The following CDC25C variants were observed in gnomAD, a reference collection of about 807,000 sequenced individuals.
CDC25C encodes the protein M-phase inducer phosphatase 3.
CDC25C carries 48 observed loss-of-function variants against 52.5 expected under a neutral mutation model. The observed-to-expected ratio is 0.91, with a 90% CI of 0.72 to 1.16. CDC25C has a LOEUF of 1.16. CDC25C is among the 50% of genes most tolerant of loss of function. The pLI, the probability that CDC25C is intolerant of heterozygous loss-of-function variation, is 0.00. For synonymous variants in CDC25C, 187 were observed against 206.5 expected (o/e 0.91, Z 0.81); for missense variants, 510 against 566.1 (o/e 0.90, Z 1.01).
chr5:138,330,887 C>G (rs12332354), intron 2 of CDC25C, 100 bp downstream of exon 2: 6 of 814,848 alleles, frequency 7.4e-6, no homozygotes, highest in Non-Finnish European at 1.0e-5. Flanking sequence ...GACTTAAAGC[C>G]TGACCTTTGA....
rs563978921 is a variant in CDC25C, at chr5:138,296,057, C to T, written c.616-3941G>A. 3.9e-5 allele frequency among the ~76,000 whole-genome samples: 6 copies of T among 152,288 alleles called. No homozygotes were observed. In the East Asian group the frequency reaches 1.2e-3, roughly 29 times the overall value. ...GAGTACACATAAGCCAGCCCGGCTT[C>T]TGTCTGCACCACTCTTCTGCTCTTG... On this transcript the variant is annotated intron_variant, in intron 7 of 13. Coordinates refer to ENST00000323760, the MANE Select transcript of CDC25C (RefSeq NM_001790.5).
At chr5:138,313,173 C>A (rs1758581175) in intron 7 of CDC25C, among the ~76,000 whole-genome samples, 1 of 151,742 alleles carries the variant, frequency 6.6e-6, no homozygotes, top group Non-Finnish European at 1.5e-5. Context: ...GTCAGATATT[C>A]AAGACCAGCC....
chr5:138,298,397 G>C (rs1757373855), intron 7 of CDC25C, among the ~76,000 whole-genome samples: 1 of 152,058 alleles, frequency 6.6e-6, no homozygotes, highest in African/African-American at 2.4e-5. Flanking sequence ...AACAACCGTA[G>C]AATACACATT....
At chr5:138,319,631 A>G (rs1759189222) in intron 6 of CDC25C, among the ~76,000 whole-genome samples, 1 of 152,234 alleles carries the variant, frequency 6.6e-6, no homozygotes, top group South Asian at 2.1e-4. Context: ...GGGAGAAAAC[A>G]TTTGCAAGTC....
At chr5:138,321,784 C>T (rs1164362060) in intron 6 of CDC25C, among the ~76,000 whole-genome samples, 2 of 116,148 alleles carry the variant, frequency 1.7e-5, no homozygotes, top group East Asian at 2.7e-4. Flanking sequence ...AAAAAAAAAC[C>T]ATGATCAACT....
chr5:138,321,681 G>A (rs1759400539), intron 6 of CDC25C, among the ~76,000 whole-genome samples: 1 of 139,588 alleles, frequency 7.2e-6, no homozygotes, highest in Admixed American at 7.8e-5. Context: ...GAACCCAGGA[G>A]GCAGAGGTTG....
chr5:138,292,205 A>C, intron 7 of CDC25C, 89 bp from the exon 8 acceptor site: 2 of 1,068,492 alleles, frequency 1.9e-6, no homozygotes, highest in South Asian at 1.7e-5. Context: ...AGCTTCTTTG[A>C]AATGCAGGTT....
chr5:138,334,369 T>TA (rs1760583860), upstream of CDC25C, among the ~76,000 whole-genome samples: 1 of 146,738 alleles, frequency 6.8e-6, no homozygotes, highest in Admixed American at 6.8e-5. Flanking sequence ...ACAAAAAAAC[T>TA]TTTTTTTTTT....
intron 7 of CDC25C, among the ~76,000 whole-genome samples, chr5:138,309,939 T>C (rs1210993165): frequency 6.6e-6 from 1 of 152,092 alleles, no homozygotes; most frequent in Non-Finnish European, 1.5e-5. Context: ...ACTCCTGATC[T>C]CCAGTGATCC....
At chr5:138,315,910 G>C (rs1292454874) in intron 7 of CDC25C, among the ~76,000 whole-genome samples, 1 of 152,198 alleles carries the variant, frequency 6.6e-6, no homozygotes, top group Non-Finnish European at 1.5e-5. Context: ...GGAGCTAGCG[G>C]GAGCCCTTCC....
rs1757171379 is a variant in CDC25C, at chr5:138,296,304, C to T, written c.616-4188G>A. 2.6e-5 allele frequency among the ~76,000 whole-genome samples: 4 copies of T among 152,142 alleles called. No individual in the cohort carries two copies. In the South Asian group the frequency reaches 6.2e-4, roughly 24 times the overall value. On this transcript the variant is annotated intron_variant, in intron 7 of 13. Coordinates refer to ENST00000323760, the MANE Select transcript of CDC25C (RefSeq NM_001790.5). ...AGGCTGGAGTGCAGTGGCACGATCT[C>T]AGCTCACTGCAACCTCTACCTCCTG... is the stretch of plus-strand genomic sequence containing the variant.
At chr5:138,294,301 C>T (rs71596568) in intron 7 of CDC25C, among the ~76,000 whole-genome samples, 38,761 of 150,996 alleles carry the variant, frequency 0.26, 6,104 homozygotes, top group South Asian at 0.42. Context: ...CAGCAATTCT[C>T]CTGCCTCGGC....
At chr5:138,297,304 GC>G (rs1160799201) in intron 7 of CDC25C, among the ~76,000 whole-genome samples, 1 of 151,992 alleles carries the variant, frequency 6.6e-6, no homozygotes, top group Admixed American at 6.6e-5. Context: ...CAAGTGATCG[GC>G]CCACCTCGGC....
intron 3 of CDC25C, 60 bp from the exon 4 acceptor site, chr5:138,328,589 T>TC: frequency 7.1e-7 from 1 of 1,414,922 alleles, no homozygotes. Context: ...ATCCTGTTTT[T>TC]CCTTCAGATT....
chr5:138,327,306 T>C (rs1284732050), intron 4 of CDC25C, among the ~76,000 whole-genome samples: 1 of 146,288 alleles, frequency 6.8e-6, no homozygotes, highest in Non-Finnish European at 1.5e-5. Context: ...TCATTATCTA[T>C]CTGGGTTAGA....
Position 138,325,886 on chromosome 5 carries a change from T to C in CDC25C, c.388A>G (p.Thr130Ala). The C allele has an allele frequency of 6.2e-7, 1 of 1,614,040 alleles. No individual in the cohort carries two copies. The highest frequency in any genetic ancestry group is 8.5e-7 in the Non-Finnish European group (1 of 1,179,978). ...KCSPAQLLCS[T>A]PNGLDRGHRK... ...TGGCCACGGTCCAAACCATTCGGAG[T>C]GCTACAAAGAAGCTGTGCCTAAAAA... The change falls in exon 6 of 14, where the codon ACT (threonine) becomes GCT (alanine). Residue 130 changes from threonine (T) to alanine (A), a missense_variant. Transcript: ENST00000323760.
chr5:138,288,138 C>T (rs1328844336), intron 10 of CDC25C, among the ~76,000 whole-genome samples: 1 of 151,912 alleles, frequency 6.6e-6, no homozygotes, highest in Non-Finnish European at 1.5e-5. Flanking sequence ...TACAATGGTG[C>T]CATCTTGGCT....
chr5:138,303,531 C>A (rs551230395), intron 7 of CDC25C, among the ~76,000 whole-genome samples: 1 of 152,146 alleles, frequency 6.6e-6, no homozygotes, highest in Non-Finnish European at 1.5e-5. Context: ...CCCATAAACA[C>A]GCCAAGCATA....
intron 2 of CDC25C, 126 bp from the exon 3 acceptor site, chr5:138,329,773 C>A (rs3734167): frequency 4.1e-6 from 2 of 485,136 alleles, no homozygotes; most frequent in Non-Finnish European, 7.1e-6. Flanking sequence ...CTCTGTCCCC[C>A]CAGCTCAAGT....
Sources: gnomAD v4.1 joint callset for allele counts (sites outside exome capture counted in the v4.1 genomes callset) on GRCh38, gnomAD v4.1.1 for gene constraint, MANE v1.5 for transcripts, NCBI Gene and HGNC (gene_info 2026-07-23, HGNC 2026-07-21) for gene names.